ANKS1B: variants seen among roughly 807,000 people sequenced by gnomAD.
ANKS1B encodes the protein ankyrin repeat and sterile alpha motif domain containing 1B.
In ANKS1B, 36 loss-of-function variants were observed where a neutral mutation model predicts 148.3. That is an observed-to-expected ratio of 0.24 (90% CI 0.19 to 0.32). The LOEUF (loss-of-function observed/expected upper bound fraction) is 0.32, where lower values mean the gene tolerates loss of function less well. Ranked by LOEUF, ANKS1B falls within the 10% of genes least tolerant of loss-of-function variation. The probability of loss-of-function intolerance (pLI) is 1.00; values close to 1 mark genes in which losing one functional copy is unlikely to be tolerated. For synonymous variants in ANKS1B, 542 were observed against 560.8 expected, an observed-to-expected ratio of 0.97 and a Z score of 0.47; for missense variants, 1,157 against 1,542.6, an observed-to-expected ratio of 0.75 and a Z score of 4.19.
chr12:99,717,688 C>T (rs2057514985), intron 8 of ANKS1B, among the ~76,000 whole-genome samples: 2 of 152,152 alleles, frequency 1.3e-5, no homozygotes, highest in African/African-American at 4.8e-5. Flanking sequence ...GCCTTGGAAG[C>T]CCCCTAGACC....
chr12:99,439,500 A>G lies in ANKS1B; in HGVS notation c.1575+4173T>C, dbSNP rs575681017. Reference sequence around the variant, plus strand: ...TGAACACCCCTAAAAAAAAGAGGTGAGCAGATACTTCACAAAAGAAGATCT... The same window carrying G: ...TGAACACCCCTAAAAAAAAGAGGTGGGCAGATACTTCACAAAAGAAGATCT... On this transcript the variant is annotated intron_variant, in intron 11 of 26. Coordinates refer to ENST00000683438, the MANE Select transcript of ANKS1B (RefSeq NM_001352186.2). Among the ~76,000 whole-genome samples, 3 of 151,888 alleles carry G rather than the reference A, an allele frequency of 2.0e-5. No individual in the cohort carries two copies. In the South Asian group the frequency reaches 6.2e-4, roughly 31 times the overall value.
intron 1 of ANKS1B, among the ~76,000 whole-genome samples, chr12:99,874,508 T>A (rs79703270): frequency 0.013 from 2,008 of 152,320 alleles, 54 homozygotes; most frequent in African/African-American, 0.045. Flanking sequence ...TTCTGTCATT[T>A]CAATACATTT....
intron 9 of ANKS1B, among the ~76,000 whole-genome samples, chr12:99,531,924 T>C (rs1433292194): frequency 1.3e-5 from 2 of 152,218 alleles, no homozygotes; most frequent in African/African-American, 4.8e-5. Flanking sequence ...TAGCTCACTG[T>C]GGTTTTAATT....
chr12:99,369,869 T>TAGAC (rs1255369311), intron 12 of ANKS1B, among the ~76,000 whole-genome samples: 1 of 151,600 alleles, frequency 6.6e-6, no homozygotes, highest in Non-Finnish European at 1.5e-5. Context: ...GATAGATAGA[T>TAGAC]AGATAGATAG....
At chr12:99,413,497 AT>A (rs1284301092) in intron 11 of ANKS1B, among the ~76,000 whole-genome samples, 2 of 152,174 alleles carry the variant, frequency 1.3e-5, no homozygotes, top group Non-Finnish European at 2.9e-5. Flanking sequence ...GGTAGCATTG[AT>A]TTTTTTAAAA....
At chr12:99,593,558 G>A (rs978505183) in intron 9 of ANKS1B, among the ~76,000 whole-genome samples, 23 of 151,940 alleles carry the variant, frequency 1.5e-4, no homozygotes, top group African/African-American at 5.3e-4. Context: ...CTTCTCATCC[G>A]AATACTGGAT....
chr12:98,948,551 G>A (rs1397710099), intron 17 of ANKS1B, among the ~76,000 whole-genome samples: 10 of 152,134 alleles, frequency 6.6e-5, no homozygotes, highest in Non-Finnish European at 1.3e-4. Context: ...GATCTTTTAA[G>A]TCCTAGCACT....
At chr12:99,845,777 G>T (rs1565847770) in intron 1 of ANKS1B, among the ~76,000 whole-genome samples, 1 of 151,954 alleles carries the variant, frequency 6.6e-6, no homozygotes, top group African/African-American at 2.4e-5. Context: ...GATTTTTTTG[G>T]AATAGTTTCA....
chr12:99,740,252 G>A (rs1000207500), intron 8 of ANKS1B, among the ~76,000 whole-genome samples: 2 of 152,078 alleles, frequency 1.3e-5, no homozygotes, highest in Non-Finnish European at 2.9e-5. Context: ...TGAAACTAGA[G>A]TGATCCATGA....
Position 98,751,080 on chromosome 12 carries a change from A to G in ANKS1B, c.3747+275T>C, listed in dbSNP as rs1353938233. 6.6e-6 allele frequency among the ~76,000 whole-genome samples: 1 copy of G among 152,162 alleles called. No homozygotes were observed. The highest frequency in any genetic ancestry group is 2.4e-5 in the African/African-American group (1 of 41,444). ...AATCTTTAGGTAAGATTCACCAAGA[A>G]CAGCAGTACCTGCTGCTGAGACCCT... On this transcript the variant is annotated intron_variant, in intron 26 of 26. Coordinates refer to ENST00000683438, the MANE Select transcript of ANKS1B (RefSeq NM_001352186.2). This position sits in a 1 kb window ranked among gnomAD's most constrained non-coding sequence, Gnocchi z 4.3.
chr12:99,248,346 T>G (rs139410674), intron 12 of ANKS1B, among the ~76,000 whole-genome samples: 1 of 152,282 alleles, frequency 6.6e-6, no homozygotes, highest in Non-Finnish European at 1.5e-5. Flanking sequence ...GCTTGATTTT[T>G]CCAAAGAGAA....
intron 1 of ANKS1B, among the ~76,000 whole-genome samples, chr12:99,826,019 A>AT (rs5800385): frequency 3.1e-4 from 47 of 151,166 alleles, no homozygotes; most frequent in East Asian, 9.8e-4. Context: ...AAAAGAGTCT[A>AT]TTTTTTTTTT....
At chr12:99,341,239 T>A (rs1261647574) in intron 12 of ANKS1B, 1 of 152,128 alleles carries the variant, frequency 6.6e-6, no homozygotes, top group Non-Finnish European at 1.5e-5. Flanking sequence ...AGCTAGAGAA[T>A]CCTCTTTAGC....
chr12:99,527,955 A>T (rs975225180), intron 9 of ANKS1B, among the ~76,000 whole-genome samples: 1 of 152,000 alleles, frequency 6.6e-6, no homozygotes, highest in Non-Finnish European at 1.5e-5. Context: ...GCATCACATT[A>T]CCTGACTTCA....
At chr12:98,971,776 A>G (rs1366994513) in intron 17 of ANKS1B, among the ~76,000 whole-genome samples, 1 of 152,216 alleles carries the variant, frequency 6.6e-6, no homozygotes, top group Admixed American at 6.5e-5. Context: ...AGAACAAGCC[A>G]TCATGGAGTG....
chr12:99,669,215 G>T (rs2098524800), intron 8 of ANKS1B, among the ~76,000 whole-genome samples: 1 of 152,124 alleles, frequency 6.6e-6, no homozygotes, highest in South Asian at 2.1e-4. Context: ...CTGTCACCTA[G>T]GCTGGAGTGC....
chr12:99,291,760 C>A (rs1185713276), intron 12 of ANKS1B, among the ~76,000 whole-genome samples: 1 of 152,098 alleles, frequency 6.6e-6, no homozygotes, highest in African/African-American at 2.4e-5. Context: ...TCAAACTATA[C>A]TACAAGGCTA....
At chr12:99,265,798 A>C (rs2076389787) in intron 12 of ANKS1B, among the ~76,000 whole-genome samples, 1 of 152,070 alleles carries the variant, frequency 6.6e-6, no homozygotes, top group Non-Finnish European at 1.5e-5. Flanking sequence ...CACTGCCCCC[A>C]TGTATTTCTT....
At chr12:99,669,273 TG>T (rs2098525138) in intron 8 of ANKS1B, among the ~76,000 whole-genome samples, 1 of 152,178 alleles carries the variant, frequency 6.6e-6, no homozygotes, top group African/African-American at 2.4e-5. Context: ...TGCACTCAAA[TG>T]ATCTTCTTGC....
Sources: allele counts gnomAD v4.1 joint callset (sites outside exome capture counted in the v4.1 genomes callset), GRCh38; gene constraint gnomAD v4.1.1; non-coding constraint Gnocchi (gnomAD v3.1); transcripts MANE v1.5; gene names NCBI Gene and HGNC (gene_info 2026-07-23, HGNC 2026-07-21).